Variants in DHRS9 observed in about 807,000 individuals in gnomAD.
The protein encoded by DHRS9 is dehydrogenase/reductase SDR family member 9.
In DHRS9, 18 loss-of-function variants were observed where a neutral mutation model predicts 26.6. That is an observed-to-expected ratio of 0.68 (90% CI 0.47 to 1.00). DHRS9 has a LOEUF of 1.00. Among genes scored for constraint, DHRS9 ranks in the 50% least tolerant of loss-of-function variants. DHRS9 has a pLI of 0.00. For missense variants in DHRS9, 425 were observed against 378.7 expected (o/e 1.12, Z -1.01); for synonymous variants, 134 against 141.1 (o/e 0.95, Z 0.36).
intron 1 of DHRS9, among the ~76,000 whole-genome samples, chr2:169,076,075 G>A (rs930535076): frequency 1.3e-5 from 2 of 152,124 alleles, no homozygotes; most frequent in African/African-American, 4.8e-5. Context: ...TTGCCAAATG[G>A]TGATATTCTA....
chr2:169,072,667 C>A, intron 1 of DHRS9: 1 of 985,282 alleles, frequency 1.0e-6, no homozygotes, highest in Non-Finnish European at 1.2e-6. Context: ...CAGGCAGTTA[C>A]TATAAAGCAT....
chr2:169,082,415 G>A (rs1380236364), intron 2 of DHRS9, among the ~76,000 whole-genome samples: 1 of 152,202 alleles, frequency 6.6e-6, no homozygotes, highest in African/African-American at 2.4e-5. Flanking sequence ...TTCTGCAATA[G>A]ATTCTGCTAT....
chr2:169,093,352 A>G (rs117990357), intron 4 of DHRS9, among the ~76,000 whole-genome samples: 1 of 137,864 alleles, frequency 7.3e-6, no homozygotes, highest in Non-Finnish European at 1.6e-5. Context: ...ACGCACACAC[A>G]CACACATGCA....
At chr2:169,071,446 C>T (rs1359227054) in intron 1 of DHRS9, among the ~76,000 whole-genome samples, 1 of 152,166 alleles carries the variant, frequency 6.6e-6, no homozygotes, top group Non-Finnish European at 1.5e-5. Flanking sequence ...ATCAGAGATG[C>T]TTTTATCCTT....
At chr2:169,085,212 G>A (rs569322480) in intron 3 of DHRS9, among the ~76,000 whole-genome samples, 1 of 152,186 alleles carries the variant, frequency 6.6e-6, no homozygotes, top group East Asian at 1.9e-4. Flanking sequence ...TTTTATACCA[G>A]TACCATGCTG....
At chr2:169,076,759 T>C (rs557787231) in intron 1 of DHRS9, among the ~76,000 whole-genome samples, 2 of 152,328 alleles carry the variant, frequency 1.3e-5, no homozygotes, top group African/African-American at 4.8e-5. Flanking sequence ...AACTTTTGAC[T>C]CCCTCAAAAC....
intron 1 of DHRS9, chr2:169,072,786 C>T (rs1015717344): frequency 6.1e-6 from 2 of 326,876 alleles, no homozygotes; most frequent in Admixed American, 1.3e-4. Flanking sequence ...CTGCTGTCGA[C>T]TGATAATGTG....
rs1684691528 is a variant in DHRS9 at position 169,096,144 on chromosome 2, A to G, written c.*377A>G. 8.9e-6 allele frequency: 2 copies of G among 223,748 alleles called. No individual in the cohort carries two copies. The highest frequency in any genetic ancestry group is 1.8e-3 in the Middle Eastern group (1 of 544). The allele number at this position is 223,748 out of a possible 1,614,324, so 13.9% of individuals were successfully genotyped here. A position where few individuals can be genotyped will look rare whatever the true frequency, so the allele number is the denominator to read the frequency against. ...ATGTTAAGTATCATCTCTTATCTAA[A>G]TATTAAAAGATAAGTCAAACATTTT... On this transcript the variant is annotated 3_prime_UTR_variant, in exon 5 of 5. Coordinates refer to ENST00000674881, the MANE Select transcript of DHRS9 (RefSeq NM_001376924.1).
At position 169,096,083 on chromosome 2, in the gene DHRS9, A is replaced by T. The variant is rs528942080; in HGVS notation, c.*316A>T. 1.2e-3 allele frequency: 420 copies of T among 348,082 alleles called. 1 individual carries two copies. Among genetic ancestry groups the T allele is most frequent in the Non-Finnish European group, 1.8e-3 (345 of 187,210 alleles). The allele number at this position is 348,082 out of a possible 1,614,324, so 21.6% of individuals were successfully genotyped here. A position where few individuals can be genotyped will look rare whatever the true frequency, so the allele number is the denominator to read the frequency against. On this transcript the variant is annotated 3_prime_UTR_variant, in exon 5 of 5. Transcript: ENST00000674881. ...AATGATCTTTACCGTGGCCTGCCCCATGCTTATGGTCCCCAGCATTTACAG... is the reference window on the plus strand; with the variant it reads ...AATGATCTTTACCGTGGCCTGCCCCTTGCTTATGGTCCCCAGCATTTACAG...
chr2:169,081,349 C>A (rs537287534), intron 1 of DHRS9, among the ~76,000 whole-genome samples, 174 bp from the exon 2 acceptor site: 1 of 152,230 alleles, frequency 6.6e-6, no homozygotes, highest in South Asian at 2.1e-4. Context: ...TTTAGAGGAA[C>A]GATTTATCAT....
At chr2:169,070,355 A>G in intron 1 of DHRS9, 1 of 985,462 alleles carries the variant, frequency 1.0e-6, no homozygotes, top group Non-Finnish European at 1.2e-6. Context: ...GGTTTTTCAA[A>G]TGATGATATG....
intron 4 of DHRS9, among the ~76,000 whole-genome samples, chr2:169,093,589 C>A (rs183009570): frequency 6.6e-6 from 1 of 152,154 alleles, no homozygotes; most frequent in East Asian, 1.9e-4. Context: ...ATATTGATAC[C>A]GATACTTTTT....
chr2:169,093,094 T>C (rs1684584801), intron 4 of DHRS9, among the ~76,000 whole-genome samples: 1 of 152,196 alleles, frequency 6.6e-6, no homozygotes, highest in African/African-American at 2.4e-5. Flanking sequence ...TAAAGTTTAC[T>C]TGATATTCCT....
At chr2:169,069,515 T>C, upstream of DHRS9, 1 of 985,334 alleles carries the variant, frequency 1.0e-6, no homozygotes, top group Non-Finnish European at 1.2e-6. Context: ...ACAATGGGAG[T>C]GACTCACAGA....
Position 169,070,297 on chromosome 2 carries a change from A to G in DHRS9, c.-60+580A>G, listed in dbSNP as rs74857609. Reference sequence around the variant, plus strand: ...ATCCCTGGATCCAGGGGTGGCAGCAATAAGCCTGCTTTAGATATTTACTCC... The same window carrying G: ...ATCCCTGGATCCAGGGGTGGCAGCAGTAAGCCTGCTTTAGATATTTACTCC... On this transcript the variant is annotated intron_variant, in intron 1 of 4. Coordinates refer to ENST00000674881, the MANE Select transcript of DHRS9 (RefSeq NM_001376924.1). 4.2e-3 allele frequency: 4,158 copies of G among 985,440 alleles called. 138 individuals are homozygous for G. The African/African-American group carries it at 0.067, about 16-fold the overall frequency. 61.0% of individuals were successfully genotyped at this position (985,440 alleles called of 1,614,324 possible). A position where few individuals can be genotyped will look rare whatever the true frequency, so the allele number is the denominator to read the frequency against.
At chr2:169,074,699 G>C (rs1253751521) in intron 1 of DHRS9, among the ~76,000 whole-genome samples, 1 of 152,144 alleles carries the variant, frequency 6.6e-6, no homozygotes, top group Admixed American at 6.5e-5. Flanking sequence ...AATATTACTA[G>C]AGGTCAAAGA....
intron 1 of DHRS9, chr2:169,070,534 A>G (rs1683767633): frequency 2.0e-6 from 2 of 985,386 alleles, no homozygotes; most frequent in African/African-American, 1.7e-5. Flanking sequence ...CCCTCGGCAT[A>G]TATTAACTGC....
Position 169,074,496 on chromosome 2 carries a change from G to A in DHRS9, c.-60+4779G>A, listed in dbSNP as rs977665528. 3.1e-4 allele frequency: 306 copies of A among 974,794 alleles called. 1 individual carries two copies. Among genetic ancestry groups the A allele is most frequent in the Non-Finnish European group, 3.7e-4 (302 of 820,450 alleles). 60.4% of individuals were successfully genotyped at this position (974,794 alleles called of 1,614,324 possible). A position where few individuals can be genotyped will look rare whatever the true frequency, so the allele number is the denominator to read the frequency against. ...GTTCCTGGAGTTTCTGAATTGTTGG[G>A]ACCAAGGGGCCGTGCAGAGGTAACC... On this transcript the variant is annotated intron_variant, in intron 1 of 4. Coordinates refer to ENST00000674881, the MANE Select transcript of DHRS9 (RefSeq NM_001376924.1).
chr2:169,067,243 G>A (rs1424972296), upstream of DHRS9: 3 of 1,535,366 alleles, frequency 2.0e-6, no homozygotes, highest in Non-Finnish European at 2.6e-6. Flanking sequence ...CCAGAAGTTG[G>A]ACCCACCACA....
Sources: gnomAD v4.1 joint callset for allele counts (sites outside exome capture counted in the v4.1 genomes callset) on GRCh38, gnomAD v4.1.1 for gene constraint, MANE v1.5 for transcripts, NCBI Gene and HGNC (gene_info 2026-07-23, HGNC 2026-07-21) for gene names.